Variants in PTPN2 observed in about 807,000 individuals in gnomAD.
PTPN2 encodes tyrosine-protein phosphatase non-receptor type 2.
A neutral mutation model predicts 57.3 loss-of-function variants in PTPN2; 19 were observed. That is an observed-to-expected ratio of 0.33 (90% CI 0.23 to 0.49). The LOEUF (loss-of-function observed/expected upper bound fraction) is 0.49. Ranked by LOEUF, PTPN2 falls within the 20% of genes least tolerant of loss-of-function variation. PTPN2 has a pLI of 0.99. For synonymous variants in PTPN2, 153 were observed against 164.9 expected (o/e 0.93, Z 0.55); for missense variants, 358 against 501.1 (o/e 0.71, Z 2.73).
chr18:12,819,356 TA>T, intron 5 of PTPN2: 1 of 688,772 alleles, frequency 1.5e-6, no homozygotes, highest in East Asian at 3.0e-5. Flanking sequence ...CATTTATTTT[TA>T]AATTAATTAT....
chr18:12,863,283 AC>A (rs941046018), intron 1 of PTPN2: 4 of 151,996 alleles, frequency 2.6e-5, no homozygotes, highest in African/African-American at 9.7e-5. Context: ...ACAGTAAGAC[AC>A]CAGCTCTGCC....
intron 3 of PTPN2, among the ~76,000 whole-genome samples, chr18:12,834,264 T>C (rs1443221600): frequency 6.6e-6 from 1 of 150,504 alleles, no homozygotes; most frequent in Non-Finnish European, 1.5e-5. Flanking sequence ...GAGGAGGAGG[T>C]TGTAGTGAGC....
chr18:12,851,625 C>T (rs899173644), intron 2 of PTPN2, among the ~76,000 whole-genome samples: 1 of 152,150 alleles, frequency 6.6e-6, no homozygotes. Context: ...CTTAATACAT[C>T]TTGGGGCTAC....
At position 12,864,233 on chromosome 18, in the gene PTPN2, T is replaced by C. The variant is rs1477587381; in HGVS notation, c.70-4979A>G. ...AAAAAATTCCACTTAGCTCCTTAGC[T>C]GTATTTGAAACTTAAACACACATGT... On this transcript the variant is annotated intron_variant, in intron 1 of 8. Coordinates refer to ENST00000309660, the MANE Select transcript of PTPN2 (RefSeq NM_002828.4). The C allele has an allele frequency of 3.3e-5, 5 of 152,090 alleles. No individual in the cohort carries two copies. The East Asian group carries it at 5.8e-4, about 18-fold the overall frequency. The allele number at this position is 152,090 out of a possible 1,614,324, so 9.4% of individuals were successfully genotyped here. A position where few individuals can be genotyped will look rare whatever the true frequency, so the allele number is the denominator to read the frequency against.
intron 1 of PTPN2, among the ~76,000 whole-genome samples, chr18:12,865,465 G>C (rs995709988): frequency 2.0e-5 from 3 of 151,528 alleles, no homozygotes; most frequent in African/African-American, 7.3e-5. Flanking sequence ...GAGAGAGGCG[G>C]GGCACAGTGG....
At chr18:12,816,789 C>T (rs1360686748) in intron 6 of PTPN2, among the ~76,000 whole-genome samples, 1 of 152,040 alleles carries the variant, frequency 6.6e-6, no homozygotes, top group African/African-American at 2.4e-5. Context: ...CTATCATTAT[C>T]CCTAGTTTTT....
chr18:12,870,439 GTGTATATA>G lies in PTPN2; in HGVS notation c.70-11193_70-11186del, dbSNP rs1223346684. 6.6e-3 allele frequency among the ~76,000 whole-genome samples: 201 copies of G among 30,300 alleles called. 10 individuals carry two copies. The Middle Eastern group carries it at 0.077, about 12-fold the overall frequency. The allele number at this position is 30,300 out of a possible 152,430, so 19.9% of individuals were successfully genotyped here. A position where few individuals can be genotyped will look rare whatever the true frequency, so the allele number is the denominator to read the frequency against. The stretch of plus-strand genomic sequence containing the variant: ...TGTATATATATACGTATATATATAT[GTGTATATA>G]TATATATATATATATAGAGAGAGAG... On this transcript the variant is annotated intron_variant, in intron 1 of 8. Coordinates refer to ENST00000309660, the MANE Select transcript of PTPN2 (RefSeq NM_002828.4).
intron 1 of PTPN2, among the ~76,000 whole-genome samples, chr18:12,873,006 A>T (rs529616502): frequency 6.6e-6 from 1 of 152,086 alleles, no homozygotes; most frequent in Non-Finnish European, 1.5e-5. Context: ...GGATCACCTG[A>T]GGTCAGGAGT....
chr18:12,854,654 G>A (rs181623526), intron 2 of PTPN2, among the ~76,000 whole-genome samples: 42 of 152,240 alleles, frequency 2.8e-4, no homozygotes, highest in African/African-American at 9.9e-4. Context: ...AGACAGAAAA[G>A]TCCACGACTG....
Position 12,841,568 on chromosome 18 carries a change from G to A in PTPN2, c.161-4677C>T, listed in dbSNP as rs184223865. Among the ~76,000 whole-genome samples the A allele has an allele frequency of 1.3e-3, 199 of 152,300 alleles. 1 individual carries two copies. The highest frequency in any genetic ancestry group is 4.6e-3 in the African/African-American group (192 of 41,550). ...GCACCATCACAGCTTTGCTAATAAA[G>A]TATACATTGTTTAGGAAACATTTGG... On this transcript the variant is annotated intron_variant, in intron 2 of 8. Transcript: ENST00000309660.
chr18:12,798,097 A>G (rs1263801005), intron 8 of PTPN2, among the ~76,000 whole-genome samples: 1 of 152,118 alleles, frequency 6.6e-6, no homozygotes, highest in Non-Finnish European at 1.5e-5. Context: ...TGTAATTGAG[A>G]ATACTGCCTT....
intron 2 of PTPN2, among the ~76,000 whole-genome samples, chr18:12,845,422 C>T (rs180756589): frequency 6.6e-6 from 1 of 152,056 alleles, no homozygotes; most frequent in East Asian, 1.9e-4. Flanking sequence ...AGATTTATTC[C>T]AACATATTCC....
Position 12,881,026 on chromosome 18 carries a change from C to T in PTPN2, c.69+3047G>A, listed in dbSNP as rs1045253632. Reference sequence around the variant, plus strand: ...TCCCCTCCATCCCTCCTGCCACTGCCTAACAGAAGCTCATCATGTCTCTTC... The same window carrying T: ...TCCCCTCCATCCCTCCTGCCACTGCTTAACAGAAGCTCATCATGTCTCTTC... On this transcript the variant is annotated intron_variant, in intron 1 of 8. Coordinates refer to ENST00000309660, the MANE Select transcript of PTPN2 (RefSeq NM_002828.4). 3.3e-5 allele frequency among the ~76,000 whole-genome samples: 5 copies of T among 152,228 alleles called. No individual in the cohort carries two copies. In the South Asian group the frequency reaches 1.0e-3, roughly 32 times the overall value.
intron 1 of PTPN2, chr18:12,864,246 T>TA (rs1185007839): frequency 1.1e-4 from 16 of 151,866 alleles, no homozygotes; most frequent in Non-Finnish European, 1.9e-4. Flanking sequence ...ATTTGAAACT[T>TA]AAACACACAT....
intron 1 of PTPN2, among the ~76,000 whole-genome samples, chr18:12,867,329 TA>T (rs1463119380): frequency 1.3e-5 from 2 of 151,304 alleles, no homozygotes; most frequent in Non-Finnish European, 2.9e-5. Context: ...AATAAATAAA[TA>T]AATAAATAAA....
intron 7 of PTPN2, among the ~76,000 whole-genome samples, chr18:12,810,577 C>A (rs772123698): frequency 6.6e-6 from 1 of 152,150 alleles, no homozygotes; most frequent in Non-Finnish European, 1.5e-5. Context: ...TCCTGAGTAG[C>A]TGGGACTATA....
intron 5 of PTPN2, 42 bp downstream of exon 5, chr18:12,825,768 C>T: frequency 6.5e-7 from 1 of 1,543,872 alleles, no homozygotes; most frequent in African/African-American, 1.4e-5. Flanking sequence ...ATTCTTTAAA[C>T]CATCATATAA....
chr18:12,859,256 T>C lies in PTPN2; in HGVS notation c.70-2A>G. 6.3e-7 allele frequency: 1 copy of C among 1,592,280 alleles called. No homozygotes were observed. On this transcript the variant is annotated splice_acceptor_variant, in intron 1 of 8. Coordinates refer to ENST00000309660, the MANE Select transcript of PTPN2 (RefSeq NM_002828.4). LOFTEE classifies it high-confidence loss of function. ...GTCATGGGACTCATTTCGAATTTCC[T>C]TAAAATAACAAAAATATATTTTAAT...
intron 9 of PTPN2, chr18:12,785,918 A>G (rs1426846908): frequency 1.6e-6 from 2 of 1,274,462 alleles, no homozygotes; most frequent in Non-Finnish European, 2.3e-6. Flanking sequence ...GATGCACACA[A>G]ACATAAAAGG....
Sources: allele counts gnomAD v4.1 joint callset (sites outside exome capture counted in the v4.1 genomes callset), GRCh38; gene constraint gnomAD v4.1.1; transcripts MANE v1.5; gene names NCBI Gene and HGNC (gene_info 2026-07-23, HGNC 2026-07-21).